The following SYT16 variants were observed in gnomAD, a reference collection of about 807,000 sequenced individuals.
The protein encoded by SYT16 is synaptotagmin-16.
A neutral mutation model predicts 61.4 loss-of-function variants in SYT16; 42 were observed. The observed-to-expected ratio is 0.68, with a 90% CI of 0.53 to 0.89. SYT16 has a LOEUF of 0.89. Ranked by LOEUF, SYT16 falls within the 40% of genes least tolerant of loss-of-function variation. The pLI is 0.00. For synonymous variants in SYT16, 314 were observed against 302.3 expected (o/e 1.04, Z -0.40); for missense variants, 804 against 807.3 (o/e 1.00, Z 0.05).
At chr14:61,909,714 C>T (rs1349133985) in intron 1 of SYT16, among the ~76,000 whole-genome samples, 1 of 152,190 alleles carries the variant, frequency 6.6e-6, no homozygotes, top group African/African-American at 2.4e-5. Context: ...ATTCAACGTA[C>T]CACACTACTT....
At chr14:61,905,597 C>A (rs2140366820) in intron 1 of SYT16, among the ~76,000 whole-genome samples, 1 of 152,266 alleles carries the variant, frequency 6.6e-6, no homozygotes, top group Admixed American at 6.5e-5. Flanking sequence ...ATCTGCTTGC[C>A]TTGCCCTCTT....
intron 3 of SYT16, among the ~76,000 whole-genome samples, chr14:62,060,409 A>T (rs2055774378): frequency 6.6e-6 from 1 of 151,282 alleles, no homozygotes; most frequent in Non-Finnish European, 1.5e-5. Flanking sequence ...ACCTTGCCAA[A>T]TTCACTAAGT....
chr14:61,815,478 C>T (rs2045399247), intron 1 of SYT16, among the ~76,000 whole-genome samples: 1 of 152,140 alleles, frequency 6.6e-6, no homozygotes, highest in Non-Finnish European at 1.5e-5. Context: ...CTATTCCAGT[C>T]ATTTCTGGAG....
intron 3 of SYT16, among the ~76,000 whole-genome samples, chr14:62,002,002 A>G (rs2053038059): frequency 1.3e-5 from 2 of 152,060 alleles, no homozygotes; most frequent in Admixed American, 6.6e-5. Context: ...CTTTTAACAT[A>G]TTAATCACAG....
At chr14:62,029,758 G>A (rs17099402) in intron 3 of SYT16, among the ~76,000 whole-genome samples, 3 of 151,184 alleles carry the variant, frequency 2.0e-5, no homozygotes, top group Non-Finnish European at 4.4e-5. Flanking sequence ...CTCTGACCTC[G>A]CTTTTGATGT....
intron 1 of SYT16, among the ~76,000 whole-genome samples, chr14:61,924,821 A>G (rs1189034695): frequency 6.6e-6 from 1 of 152,234 alleles, no homozygotes; most frequent in African/African-American, 2.4e-5. Context: ...CACAAGTGAC[A>G]GACAACCCCA....
At position 62,107,545 on chromosome 14, in the gene SYT16, T is replaced by C. The variant is rs1304010520; in HGVS notation, c.*6838T>C. ...TAAGTTCAACAATATTTTTTTGTTG[T>C]TTCTAAATATTCTTTTTAAAAACTA... On this transcript the variant is annotated 3_prime_UTR_variant, in exon 8 of 8. Transcript: ENST00000683842. The C allele has an allele frequency of 6.6e-6, 1 of 152,202 alleles. No homozygotes were observed. Among genetic ancestry groups the C allele is most frequent in the Non-Finnish European group, 1.5e-5 (1 of 68,026 alleles). The allele number at this position is 152,202 out of a possible 1,614,324, so 9.4% of individuals were successfully genotyped here.
At chr14:62,084,145 G>A in intron 6 of SYT16, 51 bp from the exon 7 acceptor site, 1 of 1,568,002 alleles carries the variant, frequency 6.4e-7, no homozygotes, top group Non-Finnish European at 8.6e-7. Flanking sequence ...TTCTCTAAAA[G>A]AGAGTAGTGC....
chr14:61,856,771 T>A (rs2046787923), intron 1 of SYT16, among the ~76,000 whole-genome samples: 1 of 152,084 alleles, frequency 6.6e-6, no homozygotes, highest in African/African-American at 2.4e-5. Flanking sequence ...ATTTGGGAGA[T>A]GTTAAACACC....
At chr14:61,819,798 G>C (rs1194457860) in intron 1 of SYT16, among the ~76,000 whole-genome samples, 1 of 152,204 alleles carries the variant, frequency 6.6e-6, no homozygotes, top group Non-Finnish European at 1.5e-5. Context: ...CGTGAACTCT[G>C]GTCCTGCCAC....
chr14:61,822,303 C>T (rs2045642390), intron 1 of SYT16, among the ~76,000 whole-genome samples: 1 of 152,170 alleles, frequency 6.6e-6, no homozygotes, highest in African/African-American at 2.4e-5. Flanking sequence ...GGGTGGATCC[C>T]CCATCTTTTC....
intron 3 of SYT16, among the ~76,000 whole-genome samples, chr14:62,039,873 A>G (rs946069507): frequency 1.8e-5 from 2 of 110,216 alleles, no homozygotes; most frequent in African/African-American, 3.2e-5. Context: ...ACACACACAC[A>G]CACACGCACA....
chr14:62,055,653 T>TC (rs2140902721), intron 3 of SYT16, among the ~76,000 whole-genome samples: 1 of 152,230 alleles, frequency 6.6e-6, no homozygotes, highest in East Asian at 1.9e-4. Flanking sequence ...ATAGGGTGGA[T>TC]CCCTTAGGTG....
At chr14:61,837,555 G>A (rs2046170776) in intron 1 of SYT16, among the ~76,000 whole-genome samples, 1 of 152,138 alleles carries the variant, frequency 6.6e-6, no homozygotes, top group South Asian at 2.1e-4. Flanking sequence ...TCTTGGAGCT[G>A]GGGAATCGGC....
At chr14:61,943,385 G>C (rs2050286796) in intron 1 of SYT16, among the ~76,000 whole-genome samples, 1 of 152,130 alleles carries the variant, frequency 6.6e-6, no homozygotes, top group Admixed American at 6.5e-5. Context: ...CATTTTATGA[G>C]GCCAGCATCA....
At chr14:62,050,503 T>C (rs1400836634) in intron 3 of SYT16, among the ~76,000 whole-genome samples, 7 of 152,348 alleles carry the variant, frequency 4.6e-5, no homozygotes, top group African/African-American at 1.7e-4. Context: ...AGCTTTGTTC[T>C]GTTGCTGGTG....
At chr14:61,886,880 C>CTTTTTTTTTTTTTTTTTTTTTTTT in intron 1 of SYT16, among the ~76,000 whole-genome samples, 1 of 110,832 alleles carries the variant, frequency 9.0e-6, no homozygotes, top group Non-Finnish European at 1.8e-5. Context: ...TTTTTTTTGT[C>CTTTTTTTTTTTTTTTTTTTTTTTT]TTTTTTTTTT....
rs1311969304 is a variant in SYT16, at chr14:62,112,106, A to G, written c.*11399A>G. 2 of 152,146 alleles carry G rather than the reference A, an allele frequency of 1.3e-5. No individual in the cohort carries two copies. Among genetic ancestry groups the G allele is most frequent in the African/African-American group, 2.4e-5 (1 of 41,460 alleles). 9.4% of individuals were successfully genotyped at this position (152,146 alleles called of 1,614,324 possible). ...TTCATAATGATGGTTTTAATGTATT[A>G]CTATCTTACTATTATGTATTGTGTT... On this transcript the variant is annotated 3_prime_UTR_variant, in exon 8 of 8. Coordinates refer to ENST00000683842, the MANE Select transcript of SYT16 (RefSeq NM_001367656.1).
In SYT16 at chr14:61,854,978, C is replaced by T. The variant is rs139627569; in HGVS notation, c.-325+42168C>T. Among the ~76,000 whole-genome samples, 547 of 152,116 alleles carry T rather than the reference C, an allele frequency of 3.6e-3. 4 individuals are homozygous for T. Among genetic ancestry groups the T allele is most frequent in the African/African-American group, 0.012 (514 of 41,494 alleles). On this transcript the variant is annotated intron_variant, in intron 1 of 7. Transcript: ENST00000683842. Reference sequence around the variant, plus strand: ...GTCTCATATTAGTGAAAATCTAGCACCTTGGGTTTTTCTCTCATCACACTT... The same window carrying T: ...GTCTCATATTAGTGAAAATCTAGCATCTTGGGTTTTTCTCTCATCACACTT...
Sources: allele counts gnomAD v4.1 joint callset (sites outside exome capture counted in the v4.1 genomes callset), GRCh38; gene constraint gnomAD v4.1.1; transcripts MANE v1.5; gene names NCBI Gene and HGNC (gene_info 2026-07-23, HGNC 2026-07-21).